Variants in CFAP54 observed in about 807,000 individuals in gnomAD.
The protein encoded by CFAP54 is cilia- and flagella-associated protein 54.
CFAP54 carries 290 observed loss-of-function variants against 370.4 expected under a neutral mutation model. The observed-to-expected ratio is 0.78, with a 90% CI of 0.71 to 0.86. CFAP54 has a LOEUF of 0.86. Among genes scored for constraint, CFAP54 ranks in the 40% least tolerant of loss-of-function variants. The pLI is 0.00. For synonymous variants in CFAP54, 1,206 were observed against 1,236.5 expected (o/e 0.98, Z 0.52); for missense variants, 3,399 against 3,528.7 (o/e 0.96, Z 0.93).
chr12:96,688,731 A>G (rs1207958804), intron 42 of CFAP54, among the ~76,000 whole-genome samples, 185 bp from the exon 43 acceptor site: 2 of 152,162 alleles, frequency 1.3e-5, no homozygotes, highest in Non-Finnish European at 2.9e-5. Context: ...AATCATATTT[A>G]GGCAGTAGGA....
In CFAP54 at chr12:96,658,237, C is replaced by T. The variant is rs1489894213; in HGVS notation, c.5351C>T (p.Pro1784Leu). The change falls in exon 38 of 68, where the codon CCA becomes CTA. Residue 1784 changes from proline to leucine, a missense_variant. Pro to Leu is a moderately conservative substitution (Grantham distance 98). This residue lies in a region of CFAP54 where 2,796 missense variants were observed against 2,869.7 expected (regional missense o/e 0.97). Transcript: ENST00000524981. ...GAGAGGTATACAGAACAAGTGACAC[C>T]ACTTCTGGTGTATGCACAGCGCCAG... is the stretch of plus-strand genomic sequence containing the variant. ...SHERYTEQVT[P>L]LLVYAQRQLL... 8 of 1,614,000 alleles carry T rather than the reference C, an allele frequency of 5.0e-6. No individual in the cohort carries two copies. The highest frequency in any genetic ancestry group is 5.9e-6 in the Non-Finnish European group (7 of 1,179,960).
chr12:96,757,473 G>T (rs765676206), intron 57 of CFAP54, 22 bp from the exon 58 acceptor site: 1 of 1,337,936 alleles, frequency 7.5e-7, no homozygotes, highest in Non-Finnish European at 1.1e-6. Context: ...TATTTAATAA[G>T]TACAGTGCTA....
chr12:96,499,401 T>G, intron 1 of CFAP54, among the ~76,000 whole-genome samples: 1 of 152,062 alleles, frequency 6.6e-6, no homozygotes, highest in Non-Finnish European at 1.5e-5. Flanking sequence ...GAATGCAAAT[T>G]AAAGCAACAA....
At chr12:96,524,136 T>C (rs750352154) in intron 8 of CFAP54, among the ~76,000 whole-genome samples, 2 of 152,182 alleles carry the variant, frequency 1.3e-5, no homozygotes, top group Non-Finnish European at 2.9e-5. Flanking sequence ...TGTATGTAAG[T>C]TGTTAACTTA....
chr12:96,491,429 G>A (rs552880402), intron 1 of CFAP54, among the ~76,000 whole-genome samples: 61 of 152,322 alleles, frequency 4.0e-4, no homozygotes, highest in Admixed American at 3.7e-3. Context: ...AGTCAGATGA[G>A]ATATACATTT....
chr12:96,851,369 AT>A (rs752724681), intron 66 of CFAP54, among the ~76,000 whole-genome samples: 16 of 152,122 alleles, frequency 1.1e-4, no homozygotes, highest in Non-Finnish European at 1.9e-4. Flanking sequence ...TTCTAATTCT[AT>A]TCCTAATTTA....
intron 1 of CFAP54, among the ~76,000 whole-genome samples, chr12:96,491,910 C>A (rs1205385451): frequency 2.0e-5 from 3 of 152,124 alleles, no homozygotes. Flanking sequence ...CAGGTGCCTG[C>A]TACCACGCCC....
Position 96,757,553 on chromosome 12 carries a change from A to C in CFAP54, c.8005A>C (p.Lys2669Gln), listed in dbSNP as rs1406373131. The C allele has an allele frequency of 4.4e-6, 7 of 1,598,912 alleles. No individual in the cohort carries two copies. The Middle Eastern group carries it at 5.0e-4, about 115-fold the overall frequency. ...ATTGTATTTTCATCTGAAGAAGCCA[A>C]AGATAAAAATTTCAGGATCACCATT... Reference protein sequence around the residue: ...ALLYFHLKKPKIKISGSPLTL... With the variant: ...ALLYFHLKKPQIKISGSPLTL... The change falls in exon 58 of 68, where the codon AAG becomes CAG. Residue 2669 changes from lysine (K) to glutamine (Q), a missense_variant. By Grantham distance (53) the Lys-to-Gln change is moderately conservative (BLOSUM62 1). Transcript: ENST00000524981.
At chr12:96,732,424 G>T (rs181984235) in intron 50 of CFAP54, among the ~76,000 whole-genome samples, 97 of 152,212 alleles carry the variant, frequency 6.4e-4, no homozygotes, top group Non-Finnish European at 7.5e-4. Flanking sequence ...GAGCCACCAT[G>T]CCTGGCCACT....
At chr12:96,769,774 C>T (rs998973903) in intron 60 of CFAP54, among the ~76,000 whole-genome samples, 3 of 152,168 alleles carry the variant, frequency 2.0e-5, no homozygotes, top group African/African-American at 7.2e-5. Flanking sequence ...CACTGAGTCC[C>T]GCAGAACGTA....
At chr12:96,696,457 C>A (rs1473826750) in intron 45 of CFAP54, among the ~76,000 whole-genome samples, 1 of 152,012 alleles carries the variant, frequency 6.6e-6, no homozygotes, top group Non-Finnish European at 1.5e-5. Flanking sequence ...CACCAAAGGA[C>A]ATAATCTGGA....
At position 96,702,000 on chromosome 12, in the gene CFAP54, T is replaced by A. The variant is rs35572168; in HGVS notation, c.6474+1907T>A. ...CCAGTTAGGAGGCTGTTGCAGATAA[T>A]CTGGGTGGGGCATAATAGTGATTGA... On this transcript the variant is annotated intron_variant, in intron 46 of 67. Coordinates refer to ENST00000524981, the MANE Select transcript of CFAP54 (RefSeq NM_001306084.2). Among the ~76,000 whole-genome samples, 346 of 152,194 alleles carry A rather than the reference T, an allele frequency of 2.3e-3. 1 individual carries two copies. Among genetic ancestry groups the A allele is most frequent in the Admixed American group, 4.7e-3 (72 of 15,278 alleles).
At position 96,630,619 on chromosome 12, in the gene CFAP54, T is replaced by C; in HGVS notation, c.4284T>C (p.Asn1428=). The stretch of plus-strand genomic sequence containing the variant: ...CTCTAAGAGATTTCATTTTTAAAAA[T>C]CCGGCTATTTCTGAAATGGTGGCAC... The part of the protein sequence containing the change: ...KETLRDFIFK[N]PAISEMVAHE... Residue 1428 remains asparagine, a synonymous_variant, in exon 32 of 68, where the codon AAT becomes AAC. Transcript: ENST00000524981. 2 of 1,501,962 alleles carry C rather than the reference T, an allele frequency of 1.3e-6. No homozygotes were observed. Among genetic ancestry groups the C allele is most frequent in the Non-Finnish European group, 1.8e-6 (2 of 1,132,224 alleles). 93.0% of individuals were successfully genotyped at this position (1,501,962 alleles called of 1,614,324 possible). A position where few individuals can be genotyped will look rare whatever the true frequency, so the allele number is the denominator to read the frequency against.
At chr12:96,687,328 G>A (rs190102548) in intron 42 of CFAP54, among the ~76,000 whole-genome samples, 250 of 152,152 alleles carry the variant, frequency 1.6e-3, no homozygotes, top group African/African-American at 5.8e-3. Context: ...TATCTTTGGG[G>A]GACCATTATT....
At chr12:96,844,135 T>TC (rs1374404497) in intron 66 of CFAP54, among the ~76,000 whole-genome samples, 1 of 152,308 alleles carries the variant, frequency 6.6e-6, no homozygotes, top group East Asian at 1.9e-4. Flanking sequence ...ACAATGGCGC[T>TC]CCACAGTGGT....
intron 26 of CFAP54, among the ~76,000 whole-genome samples, chr12:96,605,071 G>A (rs1956286478): frequency 1.3e-5 from 2 of 152,196 alleles, no homozygotes; most frequent in South Asian, 2.1e-4. Context: ...ATCTTGCTTG[G>A]AGCTGTAGAC....
chr12:96,663,578 T>A (rs552070975), intron 38 of CFAP54, among the ~76,000 whole-genome samples: 2 of 152,212 alleles, frequency 1.3e-5, no homozygotes, highest in Non-Finnish European at 2.9e-5. Context: ...TAGGAAATCA[T>A]ATTCTAATTG....
intron 65 of CFAP54, among the ~76,000 whole-genome samples, chr12:96,828,409 G>T (rs1281091445): frequency 6.6e-6 from 1 of 151,982 alleles, no homozygotes; most frequent in Non-Finnish European, 1.5e-5. Context: ...CTTCTCCTCT[G>T]TCTTCTCCCA....
At chr12:96,817,371 A>C (rs1958986457) in intron 64 of CFAP54, among the ~76,000 whole-genome samples, 1 of 152,218 alleles carries the variant, frequency 6.6e-6, no homozygotes, top group South Asian at 2.1e-4. Flanking sequence ...TCTAATCGTT[A>C]AATAACTGAG....
Sources: gnomAD v4.1 joint callset for allele counts (sites outside exome capture counted in the v4.1 genomes callset) on GRCh38, gnomAD v4.1.1 for gene constraint, gnomAD v4.1.1 regional missense constraint, MANE v1.5 for transcripts, NCBI Gene and HGNC (gene_info 2026-07-23, HGNC 2026-07-21) for gene names.